Variants in ADAM9 observed in about 807,000 individuals in gnomAD.
ADAM9 encodes the protein disintegrin and metalloproteinase domain-containing protein 9.
A neutral mutation model predicts 108.1 loss-of-function variants in ADAM9; 54 were observed. The observed-to-expected ratio is 0.50, with a 90% CI of 0.40 to 0.63. The LOEUF (loss-of-function observed/expected upper bound fraction) is 0.63, where lower values mean the gene tolerates loss of function less well. Among genes scored for constraint, ADAM9 ranks in the 20% least tolerant of loss-of-function variants. The pLI is 0.00. For synonymous variants in ADAM9, 316 were observed against 336.0 expected, an observed-to-expected ratio of 0.94 and a Z score of 0.65; for missense variants, 830 against 997.7, an observed-to-expected ratio of 0.83 and a Z score of 2.26.
At chr8:39,045,009 T>G (rs1837590375) in intron 12 of ADAM9, among the ~76,000 whole-genome samples, 1 of 106,478 alleles carries the variant, frequency 9.4e-6, no homozygotes, top group Admixed American at 1.0e-4. Context: ...CACATACCTA[T>G]GTATGTGTAT....
At chr8:39,019,910 A>C (rs1403134000) in intron 7 of ADAM9, among the ~76,000 whole-genome samples, 1 of 152,262 alleles carries the variant, frequency 6.6e-6, no homozygotes. Flanking sequence ...GAATATGAAC[A>C]AGTGTGAACT....
chr8:39,085,311 A>G (rs1210628046), intron 18 of ADAM9, among the ~76,000 whole-genome samples: 1 of 152,136 alleles, frequency 6.6e-6, no homozygotes, highest in Non-Finnish European at 1.5e-5. Flanking sequence ...TACTTCTACT[A>G]ATGTTATAAA....
intron 1 of ADAM9, among the ~76,000 whole-genome samples, chr8:38,998,017 T>C (rs1425597858): frequency 6.6e-6 from 1 of 152,138 alleles, no homozygotes; most frequent in African/African-American, 2.4e-5. Flanking sequence ...TGGAAACAAG[T>C]TGTTTATTTT....
chr8:39,076,005 A>G (rs1838840310), intron 15 of ADAM9: 1 of 152,258 alleles, frequency 6.6e-6, no homozygotes, highest in Non-Finnish European at 1.5e-5. Flanking sequence ...TAATAGCAGC[A>G]CAACAAAAAT....
chr8:39,055,514 CATTTGATTAATT>C, intron 13 of ADAM9, 51 bp from the exon 14 acceptor site: 1 of 1,526,834 alleles, frequency 6.5e-7, no homozygotes, highest in Non-Finnish European at 9.1e-7. Flanking sequence ...TGTGGTTTCA[CATTTGATTAATT>C]TGTGGACATT....
At chr8:39,004,995 C>G (rs922824652) in intron 1 of ADAM9, among the ~76,000 whole-genome samples, 2 of 152,160 alleles carry the variant, frequency 1.3e-5, no homozygotes, top group African/African-American at 4.8e-5. Context: ...CTAAGAATGC[C>G]TAACCTTCTG....
At chr8:39,023,010 G>T (rs200536981) in intron 8 of ADAM9, 146 bp from the exon 9 acceptor site, 22 of 727,628 alleles carry the variant, frequency 3.0e-5, no homozygotes, top group South Asian at 1.0e-4. Context: ...ACTGCGCCCC[G>T]CCCAAAGTCT....
At position 39,103,603 on chromosome 8, in the gene ADAM9, G is replaced by A. The variant is rs1046456218; in HGVS notation, c.2367-4G>A. On this transcript the variant is annotated splice_polypyrimidine_tract_variant and splice_region_variant and intron_variant, in intron 21 of 21. Transcript: ENST00000487273. Reference sequence around the variant, plus strand: ...TCTATTAACTATCTCTTTTCCCCTCGCAGGCCACCTCCACCACAACCGAAA... The same window carrying A: ...TCTATTAACTATCTCTTTTCCCCTCACAGGCCACCTCCACCACAACCGAAA... The A allele has an allele frequency of 2.5e-6, 4 of 1,613,640 alleles. No individual in the cohort carries two copies. Among genetic ancestry groups the A allele is most frequent in the Admixed American group, 1.7e-5 (1 of 59,978 alleles).
rs935387270 is a variant in ADAM9, at chr8:39,006,266, A to G, written c.98-1620A>G. Among the ~76,000 whole-genome samples, 5 of 152,202 alleles carry G rather than the reference A, an allele frequency of 3.3e-5. No homozygotes were observed. In the East Asian group the frequency reaches 9.7e-4, roughly 29 times the overall value. On this transcript the variant is annotated intron_variant, in intron 1 of 21. Transcript: ENST00000487273. ...ACAGATTCTTACAGAAATATAAGGG[A>G]TTGATGGGTAAAGAGTTTAAAAGCT... is the stretch of plus-strand genomic sequence containing the variant.
intron 7 of ADAM9, 123 bp downstream of exon 7, chr8:39,019,041 T>TA (rs1459733114): frequency 2.9e-5 from 30 of 1,022,576 alleles, no homozygotes; most frequent in Non-Finnish European, 4.3e-5. Context: ...ATTTTAAAAC[T>TA]AAAATGGTTT....
At chr8:39,071,006 A>C (rs1838667392) in intron 14 of ADAM9, among the ~76,000 whole-genome samples, 1 of 152,210 alleles carries the variant, frequency 6.6e-6, no homozygotes, top group Non-Finnish European at 1.5e-5. Context: ...TATACTGTGC[A>C]TGGTTTTTAA....
intron 16 of ADAM9, among the ~76,000 whole-genome samples, chr8:39,081,832 A>C (rs141872995): frequency 6.6e-6 from 1 of 152,214 alleles, no homozygotes; most frequent in South Asian, 2.1e-4. Flanking sequence ...GTTACCTAAT[A>C]AAATTTTAAA....
chr8:39,035,772 G>C (rs556926316), intron 11 of ADAM9, among the ~76,000 whole-genome samples: 1 of 152,248 alleles, frequency 6.6e-6, no homozygotes, highest in Non-Finnish European at 1.5e-5. Context: ...AGCTGAGATC[G>C]TGCCACTGCA....
intron 12 of ADAM9, among the ~76,000 whole-genome samples, chr8:39,044,718 G>T (rs1275071159): frequency 1.3e-5 from 2 of 152,128 alleles, no homozygotes; most frequent in Non-Finnish European, 2.9e-5. Context: ...TTATAAGTGA[G>T]AATATGCAGT....
intron 12 of ADAM9, among the ~76,000 whole-genome samples, chr8:39,043,136 A>G (rs531349070): frequency 1.3e-5 from 2 of 152,184 alleles, no homozygotes; most frequent in South Asian, 4.1e-4. Flanking sequence ...GTATGTGTGT[A>G]TATGTATGTA....
chr8:39,076,430 C>G (rs1014051685), intron 15 of ADAM9, among the ~76,000 whole-genome samples: 5 of 152,074 alleles, frequency 3.3e-5, no homozygotes, highest in Admixed American at 6.5e-5. Context: ...GAAAGAAGAA[C>G]GTGATGGGAG....
rs371449762 is a variant in ADAM9, at chr8:39,071,417, C to T, written c.1697+14C>T. 52 of 1,484,382 alleles carry T rather than the reference C, an allele frequency of 3.5e-5. No homozygotes were observed. Among genetic ancestry groups the T allele is most frequent in the Middle Eastern group, 3.5e-4 (2 of 5,772 alleles). 92.0% of individuals were successfully genotyped at this position (1,484,382 alleles called of 1,614,324 possible). ...GTGTGCCACTGGGTAAGTGGAGGTG[C>T]GGTCATAATGGAATATGAAAGATTA... On this transcript the variant is annotated intron_variant, in intron 15 of 21. Coordinates refer to ENST00000487273, the MANE Select transcript of ADAM9 (RefSeq NM_003816.3).
At chr8:39,006,833 T>G (rs1413563385) in intron 1 of ADAM9, among the ~76,000 whole-genome samples, 1 of 152,152 alleles carries the variant, frequency 6.6e-6, no homozygotes. Flanking sequence ...TCTTAACTGT[T>G]AAGAAATTTT....
chr8:38,997,039 A>T lies in ADAM9; in HGVS notation c.-25A>T. 6.2e-7 allele frequency: 1 copy of T among 1,603,830 alleles called. No homozygotes were observed. Among genetic ancestry groups the T allele is most frequent in the Non-Finnish European group, 8.5e-7 (1 of 1,179,052 alleles). ...CGGAGGTGGAGGCGACCGAGTGCTG[A>T]GAGGAACCTGCGGAATCGGCCGAGA... On this transcript the variant is annotated 5_prime_UTR_variant, in exon 1 of 22. It removes the in-frame stop codon of an upstream open reading frame in the 5' UTR. Coordinates refer to ENST00000487273, the MANE Select transcript of ADAM9 (RefSeq NM_003816.3).
Sources: allele counts gnomAD v4.1 joint callset (sites outside exome capture counted in the v4.1 genomes callset), GRCh38; gene constraint gnomAD v4.1.1; transcripts MANE v1.5; gene names NCBI Gene and HGNC (gene_info 2026-07-23, HGNC 2026-07-21).